Variants in CNTNAP5 observed in about 807,000 individuals in gnomAD.
The protein encoded by CNTNAP5 is contactin-associated protein-like 5.
In CNTNAP5, 72 loss-of-function variants were observed where a neutral mutation model predicts 150.2. The ratio of observed to expected loss-of-function variants is 0.48; its 90% CI spans 0.40 to 0.58. The LOEUF (loss-of-function observed/expected upper bound fraction) is 0.58. Ranked by LOEUF, CNTNAP5 falls within the 20% of genes least tolerant of loss-of-function variation. The probability of loss-of-function intolerance (pLI) is 0.00; values close to 1 mark genes in which losing one functional copy is unlikely to be tolerated. For missense variants in CNTNAP5, 1,636 were observed against 1,626.2 expected (o/e 1.01, Z -0.10); for synonymous variants, 672 against 619.8 (o/e 1.08, Z -1.25).
At chr2:124,666,405 C>A (rs920186512) in intron 13 of CNTNAP5, among the ~76,000 whole-genome samples, 1 of 152,132 alleles carries the variant, frequency 6.6e-6, no homozygotes, top group African/African-American at 2.4e-5. Context: ...TGTGACTTAA[C>A]CCTTGTCTGG....
At chr2:124,591,641 C>T (rs1194165159) in intron 11 of CNTNAP5, among the ~76,000 whole-genome samples, 2 of 152,100 alleles carry the variant, frequency 1.3e-5, no homozygotes, top group Non-Finnish European at 2.9e-5. Flanking sequence ...TGTTGCTGTT[C>T]TATACTGAGA....
intron 1 of CNTNAP5, among the ~76,000 whole-genome samples, chr2:124,175,162 A>T (rs942791633): frequency 6.6e-6 from 1 of 152,164 alleles, no homozygotes; most frequent in Non-Finnish European, 1.5e-5. Flanking sequence ...GGTCTGGAAC[A>T]AGACTTGCAA....
chr2:124,752,253 C>T (rs1680743017), intron 14 of CNTNAP5, among the ~76,000 whole-genome samples: 1 of 152,094 alleles, frequency 6.6e-6, no homozygotes, highest in African/African-American at 2.4e-5. Context: ...AAGCTTCTCA[C>T]TTTGTTGCCC....
intron 7 of CNTNAP5, among the ~76,000 whole-genome samples, chr2:124,503,022 A>G (rs2104861792): frequency 1.3e-5 from 2 of 152,290 alleles, no homozygotes; most frequent in Middle Eastern, 3.4e-3. Flanking sequence ...TGCCTATCCT[A>G]TTGCCTAGCA....
chr2:124,692,446 T>G (rs1254329954), intron 13 of CNTNAP5, among the ~76,000 whole-genome samples: 1 of 152,050 alleles, frequency 6.6e-6, no homozygotes, highest in Non-Finnish European at 1.5e-5. Context: ...TACAGAAAAA[T>G]GTATGGACTC....
chr2:124,073,875 G>T (rs191821729), intron 1 of CNTNAP5, among the ~76,000 whole-genome samples: 16 of 152,082 alleles, frequency 1.1e-4, no homozygotes, highest in Admixed American at 9.8e-4. Flanking sequence ...TATTGAATAG[G>T]TATCTGCATT....
At chr2:124,905,316 C>A (rs1423423412) in intron 22 of CNTNAP5, among the ~76,000 whole-genome samples, 1 of 151,746 alleles carries the variant, frequency 6.6e-6, no homozygotes, top group African/African-American at 2.4e-5. Context: ...GAAAATGGAA[C>A]CCTTTTACAC....
At chr2:124,056,482 AAAAG>A (rs1681850064) in intron 1 of CNTNAP5, among the ~76,000 whole-genome samples, 1 of 152,114 alleles carries the variant, frequency 6.6e-6, no homozygotes, top group South Asian at 2.1e-4. Context: ...AAAAAAGAAA[AAAAG>A]AAAGGAAAAA....
chr2:124,485,530 A>G (rs1206403808), intron 7 of CNTNAP5, among the ~76,000 whole-genome samples: 1 of 146,798 alleles, frequency 6.8e-6, no homozygotes, highest in Non-Finnish European at 1.5e-5. Flanking sequence ...GGAGAATAGC[A>G]TGAACCCGGG....
At chr2:124,768,269 GTA>G (rs1226810062) in intron 16 of CNTNAP5, among the ~76,000 whole-genome samples, 2 of 106,336 alleles carry the variant, frequency 1.9e-5, no homozygotes, top group African/African-American at 7.4e-5. Context: ...TATACTGTAT[GTA>G]TGTGTGTGTG....
At chr2:124,580,961 A>C (rs1573473140) in intron 11 of CNTNAP5, among the ~76,000 whole-genome samples, 4 of 152,290 alleles carry the variant, frequency 2.6e-5, no homozygotes, top group Admixed American at 2.6e-4. Context: ...TAATGTGTGG[A>C]GCACAGGGGG....
chr2:124,911,739 A>G (rs1678660140), intron 23 of CNTNAP5, among the ~76,000 whole-genome samples: 1 of 152,050 alleles, frequency 6.6e-6, no homozygotes, highest in Admixed American at 6.6e-5. Flanking sequence ...AGCTCTGCGG[A>G]TTCATCTTGC....
chr2:124,292,398 G>A (rs796876206), intron 3 of CNTNAP5, among the ~76,000 whole-genome samples: 48 of 152,208 alleles, frequency 3.2e-4, no homozygotes, highest in African/African-American at 1.1e-3. Flanking sequence ...AGCAAAGGAG[G>A]AACGGAGCAA....
At chr2:124,064,078 A>G (rs1445272083) in intron 1 of CNTNAP5, among the ~76,000 whole-genome samples, 2 of 152,182 alleles carry the variant, frequency 1.3e-5, no homozygotes, top group Non-Finnish European at 2.9e-5. Flanking sequence ...GAGGAGAAGT[A>G]TGGAGAGAAA....
intron 10 of CNTNAP5, among the ~76,000 whole-genome samples, chr2:124,537,756 G>A (rs776464576): frequency 1.4e-4 from 22 of 152,122 alleles, no homozygotes; most frequent in Admixed American, 3.3e-4. Flanking sequence ...AGAAATAAGC[G>A]ACCTTGAACA....
intron 4 of CNTNAP5, among the ~76,000 whole-genome samples, chr2:124,424,398 A>T (rs906273670): frequency 1.3e-5 from 2 of 152,192 alleles, no homozygotes; most frequent in Non-Finnish European, 2.9e-5. Context: ...GACCTGGGGC[A>T]TTGGCAGTCC....
chr2:124,717,911 A>G (rs1328473715), intron 13 of CNTNAP5, among the ~76,000 whole-genome samples: 1 of 152,216 alleles, frequency 6.6e-6, no homozygotes, highest in East Asian at 1.9e-4. Context: ...CTTTTCCACA[A>G]TAAAAACTAG....
chr2:124,308,731 T>TA (rs1269836079), intron 3 of CNTNAP5, among the ~76,000 whole-genome samples: 6 of 152,158 alleles, frequency 3.9e-5, no homozygotes, highest in African/African-American at 7.2e-5. Flanking sequence ...AACAAATATA[T>TA]AAATAAATAT....
chr2:124,100,447 G>A (rs1441601896), intron 1 of CNTNAP5, among the ~76,000 whole-genome samples: 1 of 150,614 alleles, frequency 6.6e-6, no homozygotes, highest in Non-Finnish European at 1.5e-5. Flanking sequence ...ACTCAAAACT[G>A]CATATAATAA....
Sources: allele counts gnomAD v4.1 joint callset (sites outside exome capture counted in the v4.1 genomes callset), GRCh38; gene constraint gnomAD v4.1.1; transcripts MANE v1.5; gene names NCBI Gene and HGNC (gene_info 2026-07-23, HGNC 2026-07-21).